HAPSTR1: variants seen among roughly 807,000 people sequenced by gnomAD.
The protein encoded by HAPSTR1 is HUWE1-associated protein modifying stress responses 1.
the HAPSTR1 span, among the ~76,000 whole-genome samples, chr16:9,099,463 G>C: frequency 6.6e-6 from 1 of 152,190 alleles, no homozygotes; most frequent in Non-Finnish European, 1.5e-5. Flanking sequence ...AAAGTGCTGG[G>C]ATTACACGGA....
the HAPSTR1 span, chr16:9,103,413 C>T: frequency 2.7e-5 from 22 of 801,378 alleles, no homozygotes; most frequent in Admixed American, 4.3e-4. Context: ...AAGCTAAGAA[C>T]TTAATATGGG....
chr16:9,096,066 C>G, the HAPSTR1 span, among the ~76,000 whole-genome samples: 1 of 152,136 alleles, frequency 6.6e-6, no homozygotes. Flanking sequence ...TGCCACATTG[C>G]CTGAGTTCAG....
the HAPSTR1 span, chr16:9,103,164 T>G: frequency 6.2e-7 from 1 of 1,614,174 alleles, no homozygotes; most frequent in South Asian, 1.1e-5. Context: ...CCCCCAAGAC[T>G]GACTGTAGTG....
the HAPSTR1 span, chr16:9,121,235 T>A: frequency 1.9e-4 from 29 of 152,386 alleles, no homozygotes; most frequent in African/African-American, 7.0e-4. Flanking sequence ...ATTACAGGCA[T>A]GAGACACTGC....
chr16:9,120,704 G>A, the HAPSTR1 span: 1 of 115,152 alleles, frequency 8.7e-6, no homozygotes, highest in African/African-American at 3.5e-5. Flanking sequence ...TTGTGATGGA[G>A]TTTCACTCTC....
the HAPSTR1 span, among the ~76,000 whole-genome samples, chr16:9,097,058 G>C: frequency 6.6e-6 from 1 of 151,228 alleles, no homozygotes; most frequent in Non-Finnish European, 1.5e-5. Flanking sequence ...TCCTGCCTCA[G>C]CCTCCCCAGT....
the HAPSTR1 span, among the ~76,000 whole-genome samples, chr16:9,097,441 C>T: frequency 2.0e-5 from 3 of 152,152 alleles, no homozygotes; most frequent in South Asian, 6.2e-4. Flanking sequence ...TGAGGTTTTG[C>T]CATGTTGCCC....
At chr16:9,093,073 A>T in the HAPSTR1 span, 1 of 1,431,290 alleles carries the variant, frequency 7.0e-7, no homozygotes, top group Non-Finnish European at 9.7e-7. Flanking sequence ...CCTGCGTTCC[A>T]AGTGTGTTTT....
chr16:9,092,849 T>G, the HAPSTR1 span: 3 of 1,384,786 alleles, frequency 2.2e-6, no homozygotes, highest in African/African-American at 1.5e-5. Context: ...ACATTCTTGT[T>G]CTCTTTCTTT....
At chr16:9,108,978 G>A in the HAPSTR1 span, 3 of 152,136 alleles carry the variant, frequency 2.0e-5, no homozygotes, top group African/African-American at 7.2e-5. Flanking sequence ...CAATTTTACT[G>A]TAAAAATAGA....
At chr16:9,115,691 T>C in the HAPSTR1 span, among the ~76,000 whole-genome samples, 1 of 152,138 alleles carries the variant, frequency 6.6e-6, no homozygotes, top group African/African-American at 2.4e-5. Context: ...CTCGGTTCTT[T>C]GCAACCACCG....
chr16:9,120,108 C>T, the HAPSTR1 span: 1 of 152,134 alleles, frequency 6.6e-6, no homozygotes, highest in Non-Finnish European at 1.5e-5. Context: ...TATGTTGTAA[C>T]CTGGTGCTTC....
At chr16:9,111,782 A>G in the HAPSTR1 span, 1 of 152,228 alleles carries the variant, frequency 6.6e-6, no homozygotes, top group Non-Finnish European at 1.5e-5. Flanking sequence ...TAAAAAATTA[A>G]TATCTTGTTA....
At chr16:9,095,986 G>A in the HAPSTR1 span, among the ~76,000 whole-genome samples, 1 of 152,172 alleles carries the variant, frequency 6.6e-6, no homozygotes, top group African/African-American at 2.4e-5. Context: ...ACTAAAGAAG[G>A]GGAGTAAAAA....
At chr16:9,112,224 G>C in the HAPSTR1 span, 1 of 152,150 alleles carries the variant, frequency 6.6e-6, no homozygotes, top group African/African-American at 2.4e-5. Context: ...CAAGTGCTTG[G>C]ATGTCCTGGC....
chr16:9,113,047 TA>T, the HAPSTR1 span: 2 of 151,666 alleles, frequency 1.3e-5, no homozygotes, highest in East Asian at 1.9e-4. Flanking sequence ...GTTTTTTTTT[TA>T]GTTCTGAAGC....
chr16:9,110,998 A>G, the HAPSTR1 span: 3 of 152,542 alleles, frequency 2.0e-5, 1 homozygote, highest in South Asian at 4.1e-4. Context: ...AGATCGTGCC[A>G]TTGCACTCCA....
chr16:9,120,925 C>T, the HAPSTR1 span: 1 of 152,038 alleles, frequency 6.6e-6, no homozygotes, highest in Non-Finnish European at 1.5e-5. Flanking sequence ...ACAGATAAGC[C>T]TTGATGCAGG....
At chr16:9,102,959 T>C in the HAPSTR1 span, 1 of 1,607,834 alleles carries the variant, frequency 6.2e-7, no homozygotes, top group Non-Finnish European at 8.5e-7. Context: ...ATGATACATG[T>C]TTTCTTTTTC....
Sources: gnomAD v4.1 joint callset for allele counts (sites outside exome capture counted in the v4.1 genomes callset) on GRCh38, gnomAD v4.1.1 for gene constraint, MANE v1.5 for transcripts, NCBI Gene and HGNC (gene_info 2026-07-23, HGNC 2026-07-21) for gene names.